TBC1D9: variants seen among roughly 807,000 people sequenced by gnomAD.
The protein encoded by TBC1D9 is TBC1 domain family member 9A.
Under a neutral mutation model 132.0 loss-of-function variants are expected in TBC1D9, and 63 were observed. That is an observed-to-expected ratio of 0.48 (90% CI 0.39 to 0.59). The LOEUF (loss-of-function observed/expected upper bound fraction) is 0.59. Among genes scored for constraint, TBC1D9 ranks in the 20% least tolerant of loss-of-function variants. The pLI, the probability that TBC1D9 is intolerant of heterozygous loss-of-function variation, is 0.00. For missense variants in TBC1D9, 1,261 were observed against 1,592.7 expected, an observed-to-expected ratio of 0.79 and a Z score of 3.54; for synonymous variants, 610 against 609.9, an observed-to-expected ratio of 1.00 and a Z score of 0.00.
At chr4:140,660,171 G>A (rs1246972268) in intron 10 of TBC1D9, among the ~76,000 whole-genome samples, 2 of 152,136 alleles carry the variant, frequency 1.3e-5, no homozygotes, top group East Asian at 1.9e-4. Flanking sequence ...AGAGAACAAC[G>A]AAACCTTTCA....
At chr4:140,646,366 G>A (rs938207489) in intron 13 of TBC1D9, among the ~76,000 whole-genome samples, 3 of 152,198 alleles carry the variant, frequency 2.0e-5, no homozygotes, top group Non-Finnish European at 2.9e-5. Flanking sequence ...GCACAGCACA[G>A]TAGGCACCCA....
intron 1 of TBC1D9, among the ~76,000 whole-genome samples, chr4:140,749,381 A>G (rs1272021753): frequency 6.6e-6 from 1 of 152,228 alleles, no homozygotes; most frequent in Non-Finnish European, 1.5e-5. Flanking sequence ...ATATCCCACC[A>G]AAAAGCAAGG....
intron 2 of TBC1D9, among the ~76,000 whole-genome samples, chr4:140,687,524 C>G (rs1737808431): frequency 1.3e-5 from 2 of 151,274 alleles, no homozygotes; most frequent in South Asian, 4.2e-4. Flanking sequence ...TGTCTTTTCT[C>G]TCTGTTCTTT....
At chr4:140,666,404 C>T (rs1293126408) in intron 9 of TBC1D9, among the ~76,000 whole-genome samples, 3 of 152,180 alleles carry the variant, frequency 2.0e-5, no homozygotes, top group Admixed American at 6.5e-5. Flanking sequence ...GGCGCTATCT[C>T]GGCTCACTGC....
intron 13 of TBC1D9, among the ~76,000 whole-genome samples, chr4:140,640,726 A>G (rs1325604520): frequency 6.6e-6 from 1 of 152,152 alleles, no homozygotes; most frequent in African/African-American, 2.4e-5. Context: ...AACAGCATCG[A>G]GTGTTGGTAA....
intron 1 of TBC1D9, among the ~76,000 whole-genome samples, chr4:140,727,327 C>T (rs1738517022): frequency 6.6e-6 from 1 of 152,222 alleles, no homozygotes; most frequent in Non-Finnish European, 1.5e-5. Flanking sequence ...TGGCTCTCTC[C>T]TGGCTCCTGC....
intron 1 of TBC1D9, among the ~76,000 whole-genome samples, chr4:140,709,238 TCTCTCTCTCTCA>T (rs1221806302): frequency 9.3e-4 from 102 of 109,432 alleles, no homozygotes; most frequent in African/African-American, 3.6e-3. Flanking sequence ...TCTCTCTCTC[TCTCTCTCTCTCA>T]CACACACACA....
chr4:140,640,447 T>TGGGGG (rs55770281), intron 13 of TBC1D9, among the ~76,000 whole-genome samples: 39 of 107,910 alleles, frequency 3.6e-4, no homozygotes, highest in East Asian at 5.7e-4. Flanking sequence ...GGTGGTGGGG[T>TGGGGG]GGGGGGGGGA....
At chr4:140,677,240 T>C (rs779926413) in intron 5 of TBC1D9, 139 bp from the exon 6 acceptor site, 6 of 945,904 alleles carry the variant, frequency 6.3e-6, no homozygotes, top group Non-Finnish European at 9.3e-6. Flanking sequence ...GCTTTCTTTA[T>C]ATTGAAGTTA....
intron 1 of TBC1D9, among the ~76,000 whole-genome samples, chr4:140,725,831 CA>C (rs747810421): frequency 8.6e-5 from 13 of 152,040 alleles, no homozygotes; most frequent in Non-Finnish European, 1.6e-4. Flanking sequence ...TTTGCTTGTA[CA>C]TGCAAAAAGA....
At position 140,644,489 on chromosome 4, in the gene TBC1D9, G is replaced by A. The variant is rs1000518122; in HGVS notation, c.2338-5061C>T. 44 of 298,552 alleles carry A rather than the reference G, an allele frequency of 1.5e-4. 1 individual carries two copies. The highest frequency in any genetic ancestry group is 1.1e-3 in the South Asian group (42 of 37,752). 18.5% of individuals were successfully genotyped at this position (298,552 alleles called of 1,614,324 possible). On this transcript the variant is annotated intron_variant, in intron 13 of 20. Transcript: ENST00000442267. ...CCTTGCCATAGATGCTCGCAGGGCC[G>A]GCAGCCAGGCGGGGGGCTTTCGCAG...
chr4:140,755,374 T>C (rs1021784691), intron 1 of TBC1D9, among the ~76,000 whole-genome samples: 5 of 152,236 alleles, frequency 3.3e-5, no homozygotes, highest in Admixed American at 2.0e-4. Context: ...CTTTGCTTTA[T>C]GTCTAATTAG....
At chr4:140,697,204 CT>C (rs1737973191) in intron 2 of TBC1D9, among the ~76,000 whole-genome samples, 1 of 152,006 alleles carries the variant, frequency 6.6e-6, no homozygotes, top group Non-Finnish European at 1.5e-5. Context: ...TGGCAAAACC[CT>C]GTCTCTACAA....
rs1288579260 is a variant in TBC1D9 at position 140,687,362 on chromosome 4, A to G, written c.242-900T>C. On this transcript the variant is annotated intron_variant, in intron 2 of 20. Transcript: ENST00000442267. ...GTGTGTCATATATATATATATATATATATATATATATATATATATATATAT... is the reference window on the plus strand; with the variant it reads ...GTGTGTCATATATATATATATATATGTATATATATATATATATATATATAT... Among the ~76,000 whole-genome samples the G allele has an allele frequency of 3.5e-4, 23 of 65,916 alleles. 1 individual carries two copies. The highest frequency in any genetic ancestry group is 1.4e-3 in the East Asian group (3 of 2,164). 43.2% of individuals were successfully genotyped at this position (65,916 alleles called of 152,430 possible). A position where few individuals can be genotyped will look rare whatever the true frequency, so the allele number is the denominator to read the frequency against.
chr4:140,673,772 C>G (rs1283972251), intron 6 of TBC1D9, among the ~76,000 whole-genome samples: 1 of 152,156 alleles, frequency 6.6e-6, no homozygotes, highest in South Asian at 2.1e-4. Flanking sequence ...TATCTCTGCT[C>G]TACTAGAGAA....
intron 1 of TBC1D9, among the ~76,000 whole-genome samples, chr4:140,742,444 A>C (rs1303637529): frequency 6.8e-6 from 1 of 147,916 alleles, no homozygotes; most frequent in East Asian, 2.0e-4. Context: ...AGGCAGGCTA[A>C]TTGCTTGAAC....
At chr4:140,754,645 G>GAAAAT (rs1738979807) in intron 1 of TBC1D9, among the ~76,000 whole-genome samples, 1 of 97,990 alleles carries the variant, frequency 1.0e-5, no homozygotes, top group Admixed American at 1.1e-4. Flanking sequence ...AAAAAAAAAG[G>GAAAAT]ACAATGTGGG....
At chr4:140,718,639 G>T (rs940305733) in intron 1 of TBC1D9, among the ~76,000 whole-genome samples, 4 of 152,172 alleles carry the variant, frequency 2.6e-5, no homozygotes, top group African/African-American at 7.2e-5. Context: ...GAAACCCCTA[G>T]AAAAACTAAG....
chr4:140,629,377 A>G (rs1314114223), intron 16 of TBC1D9, among the ~76,000 whole-genome samples: 1 of 152,192 alleles, frequency 6.6e-6, no homozygotes, highest in Non-Finnish European at 1.5e-5. Flanking sequence ...CATAGTCTTT[A>G]TCAGATCTCA....
Sources: allele counts gnomAD v4.1 joint callset (sites outside exome capture counted in the v4.1 genomes callset), GRCh38; gene constraint gnomAD v4.1.1; transcripts MANE v1.5; gene names NCBI Gene and HGNC (gene_info 2026-07-23, HGNC 2026-07-21).